Variants in MAST4 observed in about 807,000 individuals in gnomAD.
MAST4 encodes microtubule-associated serine/threonine-protein kinase 4.
A neutral mutation model predicts 162.7 loss-of-function variants in MAST4; 89 were observed. The observed-to-expected ratio is 0.55, with a 90% CI of 0.46 to 0.65. MAST4 has a LOEUF of 0.65. Among genes scored for constraint, MAST4 ranks in the 30% least tolerant of loss-of-function variants. The pLI is 0.00. For synonymous variants in MAST4, 1,479 were observed against 1,361.1 expected (o/e 1.09, Z -1.91); for missense variants, 3,153 against 3,374.0 (o/e 0.93, Z 1.62).
chr5:66,810,346 G>A (rs1459914058), intron 3 of MAST4, among the ~76,000 whole-genome samples: 1 of 152,094 alleles, frequency 6.6e-6, no homozygotes, highest in East Asian at 1.9e-4. Context: ...TCCGTCCCAC[G>A]CGGTCACTCA....
chr5:67,125,715 G>A (rs145848409), intron 14 of MAST4, among the ~76,000 whole-genome samples: 2 of 152,012 alleles, frequency 1.3e-5, no homozygotes, highest in African/African-American at 2.4e-5. Flanking sequence ...ATAAATATAC[G>A]TGTGCATGTG....
In MAST4 at chr5:66,948,302, C is replaced by T. The variant is rs193188475; in HGVS notation, c.674+48320C>T. Among the ~76,000 whole-genome samples, 1,162 of 152,226 alleles carry T rather than the reference C, an allele frequency of 7.6e-3. 6 individuals are homozygous for T. Among genetic ancestry groups the T allele is most frequent in the Non-Finnish European group, 0.012 (819 of 68,012 alleles). The stretch of plus-strand genomic sequence containing the variant: ...GATAAGATACGTGTGCAATCTGATT[C>T]CAGATTTTAGATTATCTAGAGAGGG... On this transcript the variant is annotated intron_variant, in intron 4 of 28. Coordinates refer to ENST00000403625, the MANE Select transcript of MAST4 (RefSeq NM_001164664.2).
chr5:66,766,114 C>G (rs142462389), intron 2 of MAST4, among the ~76,000 whole-genome samples: 1 of 152,282 alleles, frequency 6.6e-6, no homozygotes, highest in East Asian at 1.9e-4. Flanking sequence ...AGTGAGGAAG[C>G]TGCAGAATGA....
intron 4 of MAST4, among the ~76,000 whole-genome samples, chr5:67,051,384 T>C (rs915136261): frequency 1.3e-5 from 2 of 152,144 alleles, no homozygotes; most frequent in African/African-American, 2.4e-5. Context: ...AAGTGTGTGA[T>C]ACCTGGAGGA....
intron 4 of MAST4, among the ~76,000 whole-genome samples, chr5:66,943,211 A>G (rs1177068517): frequency 6.6e-6 from 1 of 152,070 alleles, no homozygotes; most frequent in African/African-American, 2.4e-5. Context: ...TATCCCTTCT[A>G]TGTCTTAATT....
intron 2 of MAST4, among the ~76,000 whole-genome samples, chr5:66,774,995 CTGTGTGTGTGTGTGTGTGTGTG>C (rs33936607): frequency 3.5e-5 from 5 of 142,030 alleles, no homozygotes; most frequent in Admixed American, 2.8e-4. Flanking sequence ...TATCCTTTTC[CTGTGTGTGTGTGTGTGTGTGTG>C]TGTGTGTGTG....
At chr5:66,907,198 A>AGAGT (rs1763422164) in intron 4 of MAST4, among the ~76,000 whole-genome samples, 1 of 107,856 alleles carries the variant, frequency 9.3e-6, no homozygotes, top group Non-Finnish European at 2.1e-5. Flanking sequence ...AGAGAGAGAG[A>AGAGT]GAGAGAGAGT....
At chr5:66,699,119 C>T (rs6877531) in intron 1 of MAST4, among the ~76,000 whole-genome samples, 5 of 152,094 alleles carry the variant, frequency 3.3e-5, no homozygotes, top group East Asian at 1.9e-4. Flanking sequence ...CACCCTGACA[C>T]GCCCTCCGGC....
intron 1 of MAST4, among the ~76,000 whole-genome samples, chr5:66,746,253 C>T (rs757897818): frequency 5.3e-5 from 8 of 152,154 alleles, no homozygotes; most frequent in Non-Finnish European, 1.2e-4. Flanking sequence ...TGGTTGACAC[C>T]AGGTTCTAAG....
intron 4 of MAST4, among the ~76,000 whole-genome samples, chr5:66,961,204 A>G (rs1247301927): frequency 6.6e-6 from 1 of 152,236 alleles, no homozygotes. Flanking sequence ...TTCAACTTCT[A>G]GCCACTGCAG....
At chr5:67,053,982 G>T (rs542023994) in intron 4 of MAST4, among the ~76,000 whole-genome samples, 1 of 152,318 alleles carries the variant, frequency 6.6e-6, no homozygotes, top group Non-Finnish European at 1.5e-5. Flanking sequence ...TAAATAATTA[G>T]ATTTTTAATT....
intron 1 of MAST4, among the ~76,000 whole-genome samples, chr5:66,739,739 A>G (rs2149570932): frequency 6.6e-6 from 1 of 152,212 alleles, no homozygotes; most frequent in South Asian, 2.1e-4. Context: ...TTAAGGAAGA[A>G]TGGGATTATG....
Position 67,164,511 on chromosome 5 carries a change from G to C in MAST4, c.5332G>C (p.Glu1778Gln). The C allele has an allele frequency of 6.2e-7, 1 of 1,614,010 alleles. No individual in the cohort carries two copies. Among genetic ancestry groups the C allele is most frequent in the Non-Finnish European group, 8.5e-7 (1 of 1,179,888 alleles). Residue 1778 changes from glutamate (E) to glutamine (Q), a missense_variant, in exon 29 of 29, where the codon GAG becomes CAG. Glu to Gln is a conservative substitution (Grantham distance 29, BLOSUM62 2). Transcript: ENST00000403625. The surrounding 1 kb of genome is among the most constrained non-coding windows in gnomAD (Gnocchi z 5.3). Reference sequence around the variant, plus strand: ...GGAGAAGCCTGGCTTGGTTGCTCCTGAGTCCCCTGTTAGGAAGAGCCCCTC... The same window carrying C: ...GGAGAAGCCTGGCTTGGTTGCTCCTCAGTCCCCTGTTAGGAAGAGCCCCTC... ...GTEKPGLVAPESPVRKSPSEY... is the reference protein window; with the variant it reads ...GTEKPGLVAPQSPVRKSPSEY...
intron 3 of MAST4, among the ~76,000 whole-genome samples, chr5:66,815,840 T>G (rs1397721498): frequency 6.6e-6 from 1 of 152,204 alleles, no homozygotes; most frequent in East Asian, 1.9e-4. Context: ...ACAAACGTCC[T>G]TACCTGCTGT....
intron 4 of MAST4, among the ~76,000 whole-genome samples, chr5:67,003,450 C>T (rs909139309): frequency 2.8e-4 from 43 of 152,232 alleles, no homozygotes; most frequent in African/African-American, 1.0e-3. Flanking sequence ...TTGTTTACCC[C>T]GCCTACCTTG....
chr5:66,840,607 G>A, intron 3 of MAST4, among the ~76,000 whole-genome samples: 1 of 152,142 alleles, frequency 6.6e-6, no homozygotes, highest in East Asian at 1.9e-4. Context: ...TTGACTCTGG[G>A]CTCAGCCATG....
intron 3 of MAST4, among the ~76,000 whole-genome samples, chr5:66,826,066 G>A (rs796961233): frequency 3.9e-5 from 6 of 152,170 alleles, no homozygotes; most frequent in African/African-American, 7.2e-5. Context: ...AAGGGTAAAC[G>A]TAGCAATTTT....
In MAST4 at chr5:67,094,994, C is replaced by G. The variant is rs563357281; in HGVS notation, c.834-603C>G. The stretch of plus-strand genomic sequence containing the variant: ...GAGGCTTTGCTGTAACAAGCCAGGT[C>G]ATGTCCGAAGGCAGTAACTCTTAAG... On this transcript the variant is annotated intron_variant, in intron 6 of 28. Coordinates refer to ENST00000403625, the MANE Select transcript of MAST4 (RefSeq NM_001164664.2). 5.9e-5 allele frequency among the ~76,000 whole-genome samples: 9 copies of G among 152,304 alleles called. No individual in the cohort carries two copies. The South Asian group carries it at 1.9e-3, about 32-fold the overall frequency.
At chr5:66,817,619 A>G (rs1364376930) in intron 3 of MAST4, among the ~76,000 whole-genome samples, 1 of 152,250 alleles carries the variant, frequency 6.6e-6, no homozygotes, top group Non-Finnish European at 1.5e-5. Flanking sequence ...TTAAAAATGC[A>G]AATCAGTTAA....
Sources: gnomAD v4.1 joint callset for allele counts (sites outside exome capture counted in the v4.1 genomes callset) on GRCh38, gnomAD v4.1.1 for gene constraint, Gnocchi (gnomAD v3.1) non-coding constraint, MANE v1.5 for transcripts, NCBI Gene and HGNC (gene_info 2026-07-23, HGNC 2026-07-21) for gene names.